NAALAD2: variants seen among roughly 807,000 people sequenced by gnomAD.
NAALAD2 encodes the protein N-acetylated alpha-linked acidic dipeptidase 2.
In NAALAD2, 89 loss-of-function variants were observed where a neutral mutation model predicts 95.6. That is an observed-to-expected ratio of 0.93 (90% CI 0.78 to 1.11). NAALAD2 has a LOEUF of 1.11. Among genes scored for constraint, NAALAD2 ranks in the 50% least tolerant of loss-of-function variants. The pLI, the probability that NAALAD2 is intolerant of heterozygous loss-of-function variation, is 0.00. For synonymous variants in NAALAD2, 264 were observed against 294.4 expected (o/e 0.90, Z 1.06); for missense variants, 894 against 872.4 (o/e 1.02, Z -0.31).
At chr11:90,144,740 T>TTAAAAAAAAAAAAAA (rs1951707525) in intron 2 of NAALAD2, among the ~76,000 whole-genome samples, 1 of 90,930 alleles carries the variant, frequency 1.1e-5, no homozygotes, top group Non-Finnish European at 2.0e-5. Context: ...AAAACTCCAT[T>TTAAAAAAAAAAAAAA]AAAAAAAAAA....
chr11:90,156,642 G>T (rs1355351549), intron 6 of NAALAD2, among the ~76,000 whole-genome samples: 1 of 152,112 alleles, frequency 6.6e-6, no homozygotes, highest in Non-Finnish European at 1.5e-5. Context: ...CTGGAGTGCA[G>T]TGGTCCAACC....
At chr11:90,152,092 A>T (rs1314996895) in intron 5 of NAALAD2, among the ~76,000 whole-genome samples, 1 of 152,132 alleles carries the variant, frequency 6.6e-6, no homozygotes, top group Non-Finnish European at 1.5e-5. Context: ...AGAAATGATA[A>T]CTCGTTTAGA....
chr11:90,141,852 A>G (rs1951627997), intron 2 of NAALAD2, among the ~76,000 whole-genome samples: 1 of 152,138 alleles, frequency 6.6e-6, no homozygotes, highest in African/African-American at 2.4e-5. Flanking sequence ...CAAAAAGGGA[A>G]CATTTCATTT....
intron 11 of NAALAD2, among the ~76,000 whole-genome samples, chr11:90,167,545 G>GT (rs1270943549): frequency 6.6e-6 from 1 of 152,234 alleles, no homozygotes; most frequent in East Asian, 1.9e-4. Flanking sequence ...CGTGGGACTG[G>GT]CAGGCAGCTC....
At chr11:90,144,083 A>T (rs994070157) in intron 2 of NAALAD2, among the ~76,000 whole-genome samples, 9 of 152,158 alleles carry the variant, frequency 5.9e-5, no homozygotes, top group African/African-American at 1.9e-4. Context: ...CAGGAAAAGA[A>T]TGAGTAGGAA....
chr11:90,177,776 T>C, intron 15 of NAALAD2, 77 bp from the exon 16 acceptor site: 2 of 1,377,862 alleles, frequency 1.5e-6, no homozygotes, highest in East Asian at 2.4e-5. Flanking sequence ...TCTATAGTTA[T>C]TTTTATGCTT....
chr11:90,178,248 A>G, intron 16 of NAALAD2, 131 bp downstream of exon 16: 1 of 1,030,416 alleles, frequency 9.7e-7, no homozygotes, highest in African/African-American at 1.6e-5. Context: ...ACTTCTACAC[A>G]AAAACTTAAA....
At chr11:90,154,696 G>A (rs1197772732) in intron 6 of NAALAD2, among the ~76,000 whole-genome samples, 1 of 151,014 alleles carries the variant, frequency 6.6e-6, no homozygotes, top group East Asian at 1.9e-4. Flanking sequence ...TATAAAGAAT[G>A]GGTTCAATGT....
intron 8 of NAALAD2, among the ~76,000 whole-genome samples, chr11:90,159,902 TGAG>T (rs1952238210): frequency 9.2e-6 from 1 of 109,136 alleles, no homozygotes. Flanking sequence ...TGCGGTGAGC[TGAG>T]ATCGCGCCAT....
Position 90,147,494 on chromosome 11 carries a change from T to C in NAALAD2, c.359T>C (p.Ile120Thr), listed in dbSNP as rs1330606964. The C allele has an allele frequency of 1.9e-6, 3 of 1,609,148 alleles. No individual in the cohort carries two copies. The highest frequency in any genetic ancestry group is 4.5e-5 in the East Asian group (2 of 44,814). The change falls in exon 3 of 19, where the codon ATT becomes ACT. Residue 120 changes from isoleucine (I) to threonine (T), a missense_variant. Ile to Thr is a moderately conservative substitution (Grantham distance 89). Coordinates refer to ENST00000534061, the MANE Select transcript of NAALAD2 (RefSeq NM_005467.4). ...GAGACAAATGCCAACTATATATCGA[T>C]TGTGGATGAACATGAAACTGAGGTA... ...PNETNANYIS[I>T]VDEHETEIFK...
At chr11:90,174,047 C>G in intron 14 of NAALAD2, 132 bp downstream of exon 14, 2 of 697,110 alleles carry the variant, frequency 2.9e-6, no homozygotes, top group Non-Finnish European at 2.4e-6. Context: ...ATGAAGAATT[C>G]CTGGCCGAGC....
chr11:90,178,178 C>T (rs1952859554), intron 16 of NAALAD2, 61 bp downstream of exon 16: 2 of 1,487,964 alleles, frequency 1.3e-6, no homozygotes, highest in Non-Finnish European at 1.8e-6. Context: ...GATATTATCT[C>T]CTATGATGAT....
At chr11:90,146,147 CAGA>C (rs1280204884) in intron 2 of NAALAD2, among the ~76,000 whole-genome samples, 2 of 151,784 alleles carry the variant, frequency 1.3e-5, no homozygotes, top group Non-Finnish European at 2.9e-5. Context: ...ATGGGGATGA[CAGA>C]AGAAGGATTG....
At chr11:90,159,746 T>C (rs1253344886) in intron 8 of NAALAD2, among the ~76,000 whole-genome samples, 1 of 149,136 alleles carries the variant, frequency 6.7e-6, no homozygotes, top group Non-Finnish European at 1.5e-5. Context: ...AGGTTGGGAG[T>C]TCAAGACCAG....
chr11:90,167,983 C>T (rs997281841), intron 11 of NAALAD2, among the ~76,000 whole-genome samples: 1 of 152,166 alleles, frequency 6.6e-6, no homozygotes, highest in Non-Finnish European at 1.5e-5. Context: ...GGGTCTCCTT[C>T]CACGTTGTGA....
intron 8 of NAALAD2, 47 bp downstream of exon 8, chr11:90,159,384 A>T (rs1233232537): frequency 7.4e-7 from 1 of 1,345,284 alleles, no homozygotes; most frequent in Non-Finnish European, 1.1e-6. Flanking sequence ...TATATTTTTA[A>T]TGGAAACATG....
chr11:90,159,140 T>G, intron 7 of NAALAD2, 99 bp from the exon 8 acceptor site: 1 of 922,970 alleles, frequency 1.1e-6, no homozygotes, highest in Non-Finnish European at 1.7e-6. Context: ...ATGACAAATA[T>G]TTGTTATATA....
chr11:90,181,741 AAGC>A, intron 17 of NAALAD2, 40 bp downstream of exon 17: 2 of 1,247,560 alleles, frequency 1.6e-6, no homozygotes, highest in Non-Finnish European at 2.3e-6. Flanking sequence ...AAAAAAAAAA[AAGC>A]AATCTGGTTA....
chr11:90,162,869 T>C (rs991691558), intron 8 of NAALAD2, 80 bp from the exon 9 acceptor site: 2 of 797,944 alleles, frequency 2.5e-6, no homozygotes, highest in Non-Finnish European at 4.1e-6. Flanking sequence ...AACACTATTA[T>C]GAAAATAGTT....
Sources: allele counts gnomAD v4.1 joint callset (sites outside exome capture counted in the v4.1 genomes callset), GRCh38; gene constraint gnomAD v4.1.1; transcripts MANE v1.5; gene names NCBI Gene and HGNC (gene_info 2026-07-23, HGNC 2026-07-21).